Variants in TAB2 observed in about 807,000 individuals in gnomAD.
The protein encoded by TAB2 is TGF-beta activated kinase 1 (MAP3K7) binding protein 2, also known as TGF-beta-activated kinase 1 and MAP3K7-binding protein 2.
TAB2 carries 3 observed loss-of-function variants against 65.0 expected under a neutral mutation model. The observed-to-expected ratio is 0.05, with a 90% confidence interval of 0.02 to 0.12. TAB2 has a LOEUF of 0.12. TAB2 is among the 10% of genes least tolerant of loss of function. The pLI, the probability that TAB2 is intolerant of heterozygous loss-of-function variation, is 1.00. For missense variants in TAB2, 623 were observed against 840.3 expected (o/e 0.74, Z 3.20); for synonymous variants, 298 against 285.1 (o/e 1.05, Z -0.46).
chr6:149,267,236 T>G (rs540868272), intron 1 of TAB2, among the ~76,000 whole-genome samples: 2 of 152,106 alleles, frequency 1.3e-5, no homozygotes, highest in Non-Finnish European at 2.9e-5. Context: ...AGGAATGTGA[T>G]GAGCTGGGGC....
chr6:149,271,074 T>G (rs1282479875), intron 1 of TAB2, among the ~76,000 whole-genome samples: 2 of 152,024 alleles, frequency 1.3e-5, no homozygotes, highest in East Asian at 3.8e-4. Context: ...TTGAAAATAC[T>G]GTCAAAAATA....
intron 2 of TAB2, among the ~76,000 whole-genome samples, chr6:149,376,891 C>A (rs1202509203): frequency 2.0e-5 from 3 of 149,382 alleles, no homozygotes; most frequent in Non-Finnish European, 4.5e-5. Flanking sequence ...GAGGTTCCCC[C>A]CCCCCACTCT....
At chr6:149,317,296 C>T (rs1012605884), upstream of TAB2, among the ~76,000 whole-genome samples, 7 of 152,096 alleles carry the variant, frequency 4.6e-5, no homozygotes, top group Non-Finnish European at 5.9e-5. The surrounding 1 kb of genome is among the most constrained non-coding windows in gnomAD (Gnocchi z 4.7). Flanking sequence ...CGGCACCCCC[C>T]TCGCACGGCC....
At chr6:149,305,546 G>T (rs530371803) in intron 1 of TAB2, among the ~76,000 whole-genome samples, 1 of 151,758 alleles carries the variant, frequency 6.6e-6, no homozygotes, top group East Asian at 1.9e-4. Context: ...TAGACGAGTT[G>T]TTAGAAACTA....
intron 1 of TAB2, among the ~76,000 whole-genome samples, chr6:149,327,691 T>A (rs1222551746): frequency 6.6e-6 from 1 of 152,216 alleles, no homozygotes; most frequent in Admixed American, 6.5e-5. Flanking sequence ...ACTTACTGTT[T>A]ACCCCATGAT....
chr6:149,400,759 T>C, intron 6 of TAB2: 1 of 1,497,330 alleles, frequency 6.7e-7, no homozygotes, highest in Non-Finnish European at 9.1e-7. Context: ...AAAACTGCAA[T>C]TTGGTTCCAC....
chr6:149,361,062 A>G (rs572554933), intron 1 of TAB2, among the ~76,000 whole-genome samples: 1 of 152,266 alleles, frequency 6.6e-6, no homozygotes, highest in South Asian at 2.1e-4. Context: ...AGCTTTTTCT[A>G]GCACAAGGTG....
intron 1 of TAB2, among the ~76,000 whole-genome samples, chr6:149,271,018 CTCTA>C (rs1168046763): frequency 2.0e-5 from 3 of 151,720 alleles, no homozygotes; most frequent in African/African-American, 7.3e-5. Flanking sequence ...TGCCATGTCG[CTCTA>C]TCTCTCTGCA....
chr6:149,222,339 C>T (rs1777166035), intron 1 of TAB2, among the ~76,000 whole-genome samples: 2 of 152,106 alleles, frequency 1.3e-5, no homozygotes, highest in South Asian at 4.1e-4. Flanking sequence ...CTTTCCTGGC[C>T]AGGCGTGGTG....
chr6:149,242,166 G>A (rs532735590), intron 1 of TAB2, among the ~76,000 whole-genome samples: 3 of 152,288 alleles, frequency 2.0e-5, no homozygotes, highest in African/African-American at 2.4e-5. Flanking sequence ...TAAAGAACAT[G>A]CCTAAACTAA....
At chr6:149,236,067 A>G (rs757450683) in intron 1 of TAB2, among the ~76,000 whole-genome samples, 2 of 152,218 alleles carry the variant, frequency 1.3e-5, no homozygotes, top group African/African-American at 2.4e-5. Context: ...GGTCCAGGAC[A>G]TTGGAGACTA....
chr6:149,339,605 ATT>A (rs1169597449), intron 1 of TAB2, among the ~76,000 whole-genome samples: 16,249 of 51,014 alleles, frequency 0.32, 1,447 homozygotes, highest in East Asian at 0.64. Flanking sequence ...TTATTTATTT[ATT>A]TTTTTTTTTT....
chr6:149,394,353 C>T (rs1414182273), intron 3 of TAB2, among the ~76,000 whole-genome samples: 3 of 152,056 alleles, frequency 2.0e-5, no homozygotes, highest in Non-Finnish European at 4.4e-5. Context: ...TAAACTAGAT[C>T]CTTTAACATA....
intron 1 of TAB2, chr6:149,255,539 T>C (rs1439500834): frequency 6.6e-6 from 1 of 152,252 alleles, no homozygotes; most frequent in African/African-American, 2.4e-5. Flanking sequence ...GCTGCTTCTT[T>C]GTATTTTTCC....
Position 149,305,698 on chromosome 6 carries a change from T to C in TAB2, c.-120-72320T>C, listed in dbSNP as rs193224796. Among the ~76,000 whole-genome samples, 518 of 152,338 alleles carry C rather than the reference T, an allele frequency of 3.4e-3. 2 individuals are homozygous for C. Among genetic ancestry groups the C allele is most frequent in the African/African-American group, 0.012 (490 of 41,574 alleles). The stretch of plus-strand genomic sequence containing the variant: ...TTCATAAATCTGAGGTAATATTCTT[T>C]TCACTTTTATTTAAAGAAATGCTAT... On this transcript the variant is annotated intron_variant, in intron 1 of 1. Coordinates refer to the TAB2 transcript ENST00000606202.
At chr6:149,288,382 G>A (rs1015971240) in intron 1 of TAB2, among the ~76,000 whole-genome samples, 8 of 152,154 alleles carry the variant, frequency 5.3e-5, no homozygotes, top group Non-Finnish European at 8.8e-5. Flanking sequence ...TCCAGGAGAC[G>A]GCAGCAAGCA....
At chr6:149,309,403 C>CTTT (rs565648269) in intron 1 of TAB2, among the ~76,000 whole-genome samples, 2 of 141,158 alleles carry the variant, frequency 1.4e-5, no homozygotes, top group African/African-American at 2.7e-5. Context: ...AATAATTCCT[C>CTTT]TTTTTTTTTT....
intron 1 of TAB2, among the ~76,000 whole-genome samples, chr6:149,301,058 A>T (rs1187223638): frequency 6.6e-6 from 1 of 152,216 alleles, no homozygotes; most frequent in East Asian, 1.9e-4. Flanking sequence ...TCCTTCTCAC[A>T]CTTGGAATTA....
chr6:149,315,571 G>A (rs1003085467), upstream of TAB2, among the ~76,000 whole-genome samples: 5 of 151,936 alleles, frequency 3.3e-5, no homozygotes, highest in Non-Finnish European at 7.4e-5. Flanking sequence ...TTCCAATTTC[G>A]CCAATTATCC....
Sources: allele counts gnomAD v4.1 joint callset (sites outside exome capture counted in the v4.1 genomes callset), GRCh38; gene constraint gnomAD v4.1.1; non-coding constraint Gnocchi (gnomAD v3.1); transcripts MANE v1.5; gene names NCBI Gene and HGNC (gene_info 2026-07-23, HGNC 2026-07-21).